Variants in AP3B1 observed in about 807,000 individuals in gnomAD.
AP3B1 encodes the protein adaptor related protein complex 3 subunit beta 1, also known as AP-3 complex subunit beta-1.
In AP3B1, 61 loss-of-function variants were observed where a neutral mutation model predicts 132.5. The observed-to-expected ratio is 0.46, with a 90% CI of 0.37 to 0.57. The LOEUF is 0.57. Among genes scored for constraint, AP3B1 ranks in the 20% least tolerant of loss-of-function variants. AP3B1 has a pLI of 0.00. For synonymous variants in AP3B1, 388 were observed against 438.3 expected, an observed-to-expected ratio of 0.89 and a Z score of 1.43; for missense variants, 1,120 against 1,289.4, an observed-to-expected ratio of 0.87 and a Z score of 2.01.
chr5:78,142,289 T>C (rs1208336541), intron 14 of AP3B1, among the ~76,000 whole-genome samples: 1 of 152,230 alleles, frequency 6.6e-6, no homozygotes, highest in Non-Finnish European at 1.5e-5. Flanking sequence ...TTTATTACTA[T>C]TTGCTTATTT....
At chr5:78,245,036 C>G (rs1747318795) in intron 2 of AP3B1, among the ~76,000 whole-genome samples, 1 of 151,562 alleles carries the variant, frequency 6.6e-6, no homozygotes, top group Non-Finnish European at 1.5e-5. Context: ...TGGGGACCAG[C>G]CTCAAAACCA....
intron 22 of AP3B1, among the ~76,000 whole-genome samples, chr5:78,046,325 C>T (rs1177594388): frequency 1.3e-5 from 2 of 152,164 alleles, no homozygotes; most frequent in African/African-American, 4.8e-5. Context: ...ACTGCGCATG[C>T]GAGGGATCTA....
At chr5:78,114,728 C>T (rs986557606) in intron 18 of AP3B1, among the ~76,000 whole-genome samples, 7 of 152,180 alleles carry the variant, frequency 4.6e-5, no homozygotes, top group Non-Finnish European at 7.3e-5. Context: ...GGAACATAAC[C>T]TTTAATTAAA....
chr5:78,249,411 G>A (rs1008888849), intron 2 of AP3B1, among the ~76,000 whole-genome samples: 7 of 151,948 alleles, frequency 4.6e-5, no homozygotes, highest in African/African-American at 1.4e-4. Context: ...TCAAATTTGG[G>A]AAGTTTTCTA....
intron 20 of AP3B1, among the ~76,000 whole-genome samples, chr5:78,108,388 A>G (rs1751433069): frequency 6.6e-6 from 1 of 152,220 alleles, no homozygotes. Context: ...GGTATACACC[A>G]AATCATTCAG....
rs555336542 is a variant in AP3B1, at chr5:78,278,366, G to A, written c.129-10771C>T. Among the ~76,000 whole-genome samples the A allele has an allele frequency of 2.3e-4, 21 of 92,762 alleles. 1 individual carries two copies. Among genetic ancestry groups the A allele is most frequent in the African/African-American group, 5.7e-4 (19 of 33,406 alleles). 60.9% of individuals were successfully genotyped at this position (92,762 alleles called of 152,430 possible). A position where few individuals can be genotyped will look rare whatever the true frequency, so the allele number is the denominator to read the frequency against. On this transcript the variant is annotated intron_variant, in intron 1 of 26. Transcript: ENST00000255194. ...AAGGGGACTAATTCTTTGGGAGGCC[G>A]AGGCGGGCGGATCACGAGGTCAGGA...
chr5:78,017,985 C>T (rs1461096813), intron 25 of AP3B1, among the ~76,000 whole-genome samples: 1 of 151,548 alleles, frequency 6.6e-6, no homozygotes, highest in African/African-American at 2.4e-5. Context: ...TAATTTAATT[C>T]ACAAGAAGAA....
At chr5:78,136,719 G>GT (rs562718959) in intron 15 of AP3B1, among the ~76,000 whole-genome samples, 143 of 130,390 alleles carry the variant, frequency 1.1e-3, no homozygotes, top group African/African-American at 1.3e-3. Context: ...TGTACTTCTG[G>GT]TTTTTTTTTT....
chr5:78,052,032 C>G (rs252798), intron 22 of AP3B1, among the ~76,000 whole-genome samples: 40,913 of 151,382 alleles, frequency 0.27, 6,146 homozygotes, highest in Admixed American at 0.4. Context: ...AAAAAGTAAA[C>G]GGCAAATTTG....
At chr5:78,112,671 C>A (rs189269112) in intron 19 of AP3B1, among the ~76,000 whole-genome samples, 142 of 152,298 alleles carry the variant, frequency 9.3e-4, no homozygotes, top group African/African-American at 3.4e-3. Context: ...CAAGTAGCTC[C>A]TTTGCTGCAA....
chr5:78,173,112 T>C (rs1227347695), intron 11 of AP3B1, among the ~76,000 whole-genome samples: 1 of 152,226 alleles, frequency 6.6e-6, no homozygotes, highest in Non-Finnish European at 1.5e-5. Flanking sequence ...TTGATTGCAC[T>C]GTGCTGTGAG....
intron 16 of AP3B1, among the ~76,000 whole-genome samples, chr5:78,128,674 C>T (rs1282447317): frequency 6.6e-6 from 1 of 152,040 alleles, no homozygotes; most frequent in African/African-American, 2.4e-5. Context: ...AAGTCAACTT[C>T]CCTCTTTGAA....
chr5:78,009,805 A>G (rs760138578), intron 26 of AP3B1, among the ~76,000 whole-genome samples: 3 of 152,104 alleles, frequency 2.0e-5, no homozygotes, highest in Non-Finnish European at 2.9e-5. Context: ...AGGGGAAGGA[A>G]TATCAGTAGT....
intron 3 of AP3B1, among the ~76,000 whole-genome samples, chr5:78,233,524 C>G (rs1746745861): frequency 6.6e-6 from 1 of 152,142 alleles, no homozygotes; most frequent in African/African-American, 2.4e-5. Flanking sequence ...CGTGAGCCAC[C>G]ACGCCCAGCC....
intron 15 of AP3B1, among the ~76,000 whole-genome samples, chr5:78,136,400 T>C (rs1752911676): frequency 6.6e-6 from 1 of 152,164 alleles, no homozygotes; most frequent in African/African-American, 2.4e-5. Flanking sequence ...ACATGAATTT[T>C]GTGGTGATTT....
chr5:78,013,925 A>G (rs1412913861), intron 26 of AP3B1, among the ~76,000 whole-genome samples: 2 of 152,172 alleles, frequency 1.3e-5, no homozygotes, highest in Non-Finnish European at 2.9e-5. Context: ...GCACTTTGGG[A>G]GGCCGAGACG....
intron 26 of AP3B1, among the ~76,000 whole-genome samples, chr5:78,003,651 C>T (rs1415504245): frequency 2.0e-5 from 3 of 152,184 alleles, no homozygotes; most frequent in Non-Finnish European, 2.9e-5. Context: ...TGCAACCTCA[C>T]GCTTCCCTTT....
chr5:78,176,293 T>A (rs1744144850), intron 9 of AP3B1, among the ~76,000 whole-genome samples: 1 of 151,876 alleles, frequency 6.6e-6, no homozygotes, highest in Non-Finnish European at 1.5e-5. Context: ...TAAGGCTTCA[T>A]GTGAAAGACC....
At chr5:78,031,147 A>AAC (rs1475876785) in intron 24 of AP3B1, among the ~76,000 whole-genome samples, 3 of 152,134 alleles carry the variant, frequency 2.0e-5, no homozygotes, top group African/African-American at 7.2e-5. Context: ...TTTCTTCCAG[A>AAC]ACACTCGATC....
Sources: gnomAD v4.1 joint callset for allele counts (sites outside exome capture counted in the v4.1 genomes callset) on GRCh38, gnomAD v4.1.1 for gene constraint, MANE v1.5 for transcripts, NCBI Gene and HGNC (gene_info 2026-07-23, HGNC 2026-07-21) for gene names.